PRKAR2A: variants seen among roughly 807,000 people sequenced by gnomAD.
PRKAR2A encodes the protein protein kinase cAMP-dependent type II regulatory subunit alpha.
A neutral mutation model predicts 51.9 loss-of-function variants in PRKAR2A; 29 were observed. The observed-to-expected ratio is 0.56, with a 90% CI of 0.42 to 0.76. PRKAR2A has a LOEUF of 0.76. Among genes scored for constraint, PRKAR2A ranks in the 30% least tolerant of loss-of-function variants. The pLI, the probability that PRKAR2A is intolerant of heterozygous loss-of-function variation, is 0.00. For synonymous variants in PRKAR2A, 178 were observed against 186.2 expected (o/e 0.96, Z 0.36); for missense variants, 445 against 512.1 (o/e 0.87, Z 1.26).
chr3:48,751,981 T>C (rs2081655395), intron 10 of PRKAR2A, among the ~76,000 whole-genome samples, 195 bp downstream of exon 10: 1 of 152,206 alleles, frequency 6.6e-6, no homozygotes, highest in Admixed American at 6.5e-5. Flanking sequence ...CCTGCATGCC[T>C]GTCTTGCTCA....
chr3:48,791,420 C>A (rs1359037856), intron 3 of PRKAR2A, among the ~76,000 whole-genome samples: 1 of 145,688 alleles, frequency 6.9e-6, no homozygotes, highest in African/African-American at 2.6e-5. Context: ...CATGGATAAA[C>A]CCCATCTCTA....
In PRKAR2A at chr3:48,762,073, T is replaced by C. The variant is rs2081870336; in HGVS notation, c.873+2931A>G. 2.6e-5 allele frequency among the ~76,000 whole-genome samples: 4 copies of C among 152,196 alleles called. No homozygotes were observed. The South Asian group carries it at 8.3e-4, about 31-fold the overall frequency. ...GTACACAACTACAAAGAAGAAAAGA[T>C]GATAAACTGGACTTGTCAAAATTAA... On this transcript the variant is annotated intron_variant, in intron 8 of 10. Transcript: ENST00000265563.
intron 8 of PRKAR2A, among the ~76,000 whole-genome samples, chr3:48,764,496 G>A (rs6766238): frequency 0.82 from 124,401 of 152,108 alleles, 51,243 homozygotes; most frequent in East Asian, 1. Flanking sequence ...GGAAAGGTGA[G>A]AGGAAGCAAG....
chr3:48,809,144 C>T (rs1375446676), intron 1 of PRKAR2A, among the ~76,000 whole-genome samples: 1 of 152,052 alleles, frequency 6.6e-6, no homozygotes, highest in Non-Finnish European at 1.5e-5. Flanking sequence ...ACTTCTGTTA[C>T]AATATAAAGT....
At chr3:48,775,336 G>A (rs1485463493) in intron 5 of PRKAR2A, among the ~76,000 whole-genome samples, 1 of 151,704 alleles carries the variant, frequency 6.6e-6, no homozygotes, top group Non-Finnish European at 1.5e-5. Flanking sequence ...TACTCGGGAG[G>A]CTGAGGCAGG....
rs147082927 is a variant in PRKAR2A, at chr3:48,792,098, T to C, written c.352-1471A>G. Among the ~76,000 whole-genome samples, 425 of 152,142 alleles carry C rather than the reference T, an allele frequency of 2.8e-3. 3 individuals carry two copies. Among genetic ancestry groups the C allele is most frequent in the African/African-American group, 9.5e-3 (395 of 41,494 alleles). On this transcript the variant is annotated intron_variant, in intron 3 of 10. Transcript: ENST00000265563. ...TCAGAAATCTTTCATAAGTTACTCA[T>C]TTTAAGAGTAACTTGATTTAAGGGT...
intron 1 of PRKAR2A, among the ~76,000 whole-genome samples, chr3:48,828,529 G>T (rs1466176570): frequency 6.6e-6 from 1 of 151,784 alleles, no homozygotes; most frequent in Non-Finnish European, 1.5e-5. Context: ...GACCAACCAA[G>T]GCAACATGGT....
chr3:48,823,625 A>T (rs577184181), intron 1 of PRKAR2A, among the ~76,000 whole-genome samples: 33 of 151,092 alleles, frequency 2.2e-4, no homozygotes, highest in South Asian at 4.2e-4. Flanking sequence ...CTACAAAAAA[A>T]TTTTTTTTTA....
chr3:48,818,330 C>T (rs2082905073), intron 1 of PRKAR2A, among the ~76,000 whole-genome samples: 1 of 152,194 alleles, frequency 6.6e-6, no homozygotes, highest in African/African-American at 2.4e-5. Context: ...CAAAACTATA[C>T]CACTAATCTT....
chr3:48,797,782 G>A (rs1382000058), intron 2 of PRKAR2A, among the ~76,000 whole-genome samples: 1 of 152,142 alleles, frequency 6.6e-6, no homozygotes, highest in Non-Finnish European at 1.5e-5. Context: ...CCAGTTTCTG[G>A]CTAATGTGGG....
chr3:48,833,106 G>A (rs148130992), intron 1 of PRKAR2A, among the ~76,000 whole-genome samples: 3 of 152,258 alleles, frequency 2.0e-5, no homozygotes, highest in African/African-American at 7.2e-5. Flanking sequence ...CGCAATCACA[G>A]CTCACCATAG....
chr3:48,847,394 G>A lies in PRKAR2A; in HGVS notation c.203C>T (p.Pro68Leu), dbSNP rs372669481. 6.8e-6 allele frequency: 11 copies of A among 1,610,990 alleles called. No homozygotes were observed. In the African/African-American group the frequency reaches 1.3e-4, roughly 20 times the overall value. Residue 68 changes from proline (P) to leucine (L), a missense_variant, in exon 1 of 11, where the codon CCG (proline) becomes CTG (leucine). Pro to Leu is a moderately conservative substitution (Grantham distance 98). Coordinates refer to ENST00000265563, the MANE Select transcript of PRKAR2A (RefSeq NM_004157.4). This position sits in a 1 kb window ranked among gnomAD's most constrained non-coding sequence, Gnocchi z 4.4. ...SLGHPPPEPGPDRVADAKGDS... is the reference protein window; with the variant it reads ...SLGHPPPEPGLDRVADAKGDS... ...CCCTTTGGCGTCGGCGACACGGTCCGGGCCGGGTTCTGGCGGGGGGTGGCC... is the reference window on the plus strand; with the variant it reads ...CCCTTTGGCGTCGGCGACACGGTCCAGGCCGGGTTCTGGCGGGGGGTGGCC...
chr3:48,777,636 A>C (rs1255499841), intron 5 of PRKAR2A, among the ~76,000 whole-genome samples: 1 of 152,084 alleles, frequency 6.6e-6, no homozygotes, highest in Admixed American at 6.6e-5. Flanking sequence ...CGATCTCCTG[A>C]TCTTGTGATC....
rs2081566868 is a variant in PRKAR2A, at chr3:48,746,731, G to T, written c.*4854C>A. 6.6e-6 allele frequency: 1 copy of T among 152,084 alleles called. No homozygotes were observed. The highest frequency in any genetic ancestry group is 2.4e-5 in the African/African-American group (1 of 41,404). The allele number at this position is 152,084 out of a possible 1,614,324, so 9.4% of individuals were successfully genotyped here. ...TTATATGTTTAACACCACAGAGCAA[G>T]AATTGATCACGTTTCAATCACTTAT... On this transcript the variant is annotated 3_prime_UTR_variant, in exon 11 of 11. Transcript: ENST00000265563.
chr3:48,809,848 T>C (rs527314825), intron 1 of PRKAR2A, among the ~76,000 whole-genome samples: 44 of 152,226 alleles, frequency 2.9e-4, no homozygotes, highest in Admixed American at 1.2e-3. Context: ...TCATCTCACA[T>C]AGCAACTCTA....
chr3:48,774,129 G>A (rs1387233897), intron 5 of PRKAR2A, among the ~76,000 whole-genome samples: 4 of 151,866 alleles, frequency 2.6e-5, no homozygotes, highest in East Asian at 1.9e-4. Flanking sequence ...CACCATGCCC[G>A]GCCTAATTTT....
chr3:48,754,161 A>G (rs1406169824), intron 9 of PRKAR2A, among the ~76,000 whole-genome samples: 2 of 151,962 alleles, frequency 1.3e-5, no homozygotes, highest in South Asian at 2.1e-4. Flanking sequence ...CGGCCTCCCA[A>G]AGTGCTGGAA....
chr3:48,760,359 AAAAACAAAAC>A (rs544505910), intron 8 of PRKAR2A, among the ~76,000 whole-genome samples: 5 of 152,064 alleles, frequency 3.3e-5, no homozygotes, highest in South Asian at 4.1e-4. Flanking sequence ...CTCTGTCTCA[AAAAACAAAAC>A]AAAACAAAAC....
At chr3:48,770,681 C>T (rs913742405) in intron 6 of PRKAR2A, among the ~76,000 whole-genome samples, 2 of 152,004 alleles carry the variant, frequency 1.3e-5, no homozygotes, top group Non-Finnish European at 2.9e-5. Flanking sequence ...CTGCCAAAGG[C>T]AAGGAAATAG....
Sources: allele counts gnomAD v4.1 joint callset (sites outside exome capture counted in the v4.1 genomes callset), GRCh38; gene constraint gnomAD v4.1.1; non-coding constraint Gnocchi (gnomAD v3.1); transcripts MANE v1.5; gene names NCBI Gene and HGNC (gene_info 2026-07-23, HGNC 2026-07-21).